The following ROBO2 variants were observed in gnomAD, a reference collection of about 807,000 sequenced individuals.
ROBO2 encodes the protein roundabout homolog 2.
In ROBO2, 53 loss-of-function variants were observed where a neutral mutation model predicts 160.8. The observed-to-expected ratio is 0.33, with a 90% CI of 0.26 to 0.41. The LOEUF (loss-of-function observed/expected upper bound fraction) is 0.41. Among genes scored for constraint, ROBO2 ranks in the 10% least tolerant of loss-of-function variants. ROBO2 has a pLI of 1.00. For missense variants in ROBO2, 1,577 were observed against 1,722.4 expected (o/e 0.92, Z 1.49); for synonymous variants, 664 against 611.7 (o/e 1.09, Z -1.26).
chr3:75,998,125 A>G (rs2065784782), intron 2 of ROBO2, among the ~76,000 whole-genome samples: 2 of 152,322 alleles, frequency 1.3e-5, no homozygotes, highest in East Asian at 1.9e-4. Context: ...CATAAAATGT[A>G]TTGAATTAGA....
intron 6 of ROBO2, among the ~76,000 whole-genome samples, chr3:77,539,720 A>T (rs2092366661): frequency 6.6e-6 from 1 of 152,192 alleles, no homozygotes; most frequent in South Asian, 2.1e-4. Flanking sequence ...AATTGTAGAC[A>T]GCACCCCATA....
chr3:76,663,213 C>T (rs755322634), intron 2 of ROBO2, among the ~76,000 whole-genome samples: 18 of 152,116 alleles, frequency 1.2e-4, no homozygotes, highest in Non-Finnish European at 2.4e-4. Flanking sequence ...CTTGGGAAAC[C>T]GACTGAGTAT....
At chr3:77,133,011 A>G (rs1289349240) in intron 2 of ROBO2, among the ~76,000 whole-genome samples, 8 of 152,152 alleles carry the variant, frequency 5.3e-5, no homozygotes, top group African/African-American at 1.9e-4. Context: ...TAAATGCTCC[A>G]TGTACAGTTA....
intron 2 of ROBO2, among the ~76,000 whole-genome samples, chr3:77,425,878 A>C (rs1231589431): frequency 6.6e-6 from 1 of 151,830 alleles, no homozygotes; most frequent in Non-Finnish European, 1.5e-5. Context: ...GGCAAGGCTG[A>C]TCTCGAACTC....
intron 2 of ROBO2, among the ~76,000 whole-genome samples, chr3:76,242,001 A>G (rs1705316582): frequency 6.6e-6 from 1 of 152,206 alleles, no homozygotes; most frequent in African/African-American, 2.4e-5. Context: ...TTGAGTAGAA[A>G]GCAAGGAAAG....
chr3:77,376,761 T>A (rs111526584), intron 2 of ROBO2, among the ~76,000 whole-genome samples: 1,536 of 152,314 alleles, frequency 0.01, 14 homozygotes, highest in Middle Eastern at 0.017. Context: ...ATTGACAGTA[T>A]GTACTCAACA....
chr3:77,642,204 C>G (rs73116514), intron 24 of ROBO2, among the ~76,000 whole-genome samples: 3 of 152,006 alleles, frequency 2.0e-5, no homozygotes, highest in African/African-American at 7.3e-5. Context: ...GCATATGACA[C>G]GGCATACAGT....
chr3:76,321,655 G>T (rs1180442122), intron 2 of ROBO2, among the ~76,000 whole-genome samples: 3 of 152,172 alleles, frequency 2.0e-5, no homozygotes, highest in Non-Finnish European at 4.4e-5. Context: ...GGACAGTCAA[G>T]TAACCTACCC....
chr3:76,459,222 C>T (rs2077951367), intron 2 of ROBO2, among the ~76,000 whole-genome samples: 1 of 152,060 alleles, frequency 6.6e-6, no homozygotes, highest in African/African-American at 2.4e-5. Context: ...AGAAATATAC[C>T]TCTCAATGCA....
chr3:77,527,340 A>AT (rs2091261158), intron 6 of ROBO2, 63 bp from the exon 7 acceptor site: 4 of 1,220,006 alleles, frequency 3.3e-6, no homozygotes, highest in Non-Finnish European at 4.3e-6. Flanking sequence ...CATTCTGATA[A>AT]TTTTTCTTTC....
chr3:77,460,846 A>G (rs946613413), intron 2 of ROBO2, among the ~76,000 whole-genome samples: 3 of 152,174 alleles, frequency 2.0e-5, no homozygotes, highest in African/African-American at 2.4e-5. Flanking sequence ...CTAATTTCCC[A>G]TATTTTTTTC....
In ROBO2 at chr3:76,628,140, GAAT is replaced by G. The variant is rs547096502; in HGVS notation, c.110-469871_110-469869del. ...TTTAAATACATCTAAGTAGAAAGTAGAATAAGTGTGCCTGCTACTTGATTTTTA... is the reference window on the plus strand; with the variant it reads ...TTTAAATACATCTAAGTAGAAAGTAGAAGTGTGCCTGCTACTTGATTTTTA... On this transcript the variant is annotated intron_variant, in intron 2 of 26. Coordinates refer to the ROBO2 transcript ENST00000487694. Among the ~76,000 whole-genome samples, 11 of 152,316 alleles carry G rather than the reference GAAT, an allele frequency of 7.2e-5. No individual in the cohort carries two copies. In the South Asian group the frequency reaches 2.3e-3, roughly 32 times the overall value.
At chr3:76,761,628 T>A (rs1042304075) in intron 2 of ROBO2, among the ~76,000 whole-genome samples, 2 of 151,784 alleles carry the variant, frequency 1.3e-5, no homozygotes, top group Non-Finnish European at 2.9e-5. Flanking sequence ...TTATGTCTTC[T>A]CACCTAAATG....
chr3:77,114,063 G>A (rs116835247), intron 2 of ROBO2, among the ~76,000 whole-genome samples: 101 of 152,288 alleles, frequency 6.6e-4, no homozygotes, highest in South Asian at 1.4e-3. Flanking sequence ...GCAATGTAGA[G>A]AAAGATAATT....
rs139629239 is a variant in ROBO2, at chr3:76,725,473, A to G, written c.110-372541A>G. On this transcript the variant is annotated intron_variant, in intron 2 of 26. Transcript: ENST00000487694. ...TGGCTTTCAGTGACTAGGGATAGGA[A>G]GTGATTATACTTGTCTCTAAAAATT... is the stretch of plus-strand genomic sequence containing the variant. Among the ~76,000 whole-genome samples the G allele has an allele frequency of 5.2e-3, 796 of 152,302 alleles. 4 individuals carry two copies. The highest frequency in any genetic ancestry group is 0.024 in the Middle Eastern group (7 of 294).
At chr3:77,344,279 T>C (rs1323241833) in intron 2 of ROBO2, among the ~76,000 whole-genome samples, 2 of 152,182 alleles carry the variant, frequency 1.3e-5, no homozygotes, top group African/African-American at 4.8e-5. Flanking sequence ...TCTTAAAATA[T>C]ATGACATATT....
At chr3:76,819,465 C>G (rs2065938399) in intron 2 of ROBO2, among the ~76,000 whole-genome samples, 1 of 152,048 alleles carries the variant, frequency 6.6e-6, no homozygotes, top group African/African-American at 2.4e-5. Flanking sequence ...ACTCTGAGTG[C>G]TGTCCTTTAA....
At chr3:76,567,672 CATATATATGTAT>C (rs1325638162) in intron 2 of ROBO2, among the ~76,000 whole-genome samples, 1 of 56,716 alleles carries the variant, frequency 1.8e-5, no homozygotes, top group Non-Finnish European at 3.7e-5. Context: ...CATATATATA[CATATATATGTAT>C]ATATATATGT....
chr3:76,189,522 T>C (rs1171567835), intron 2 of ROBO2, among the ~76,000 whole-genome samples: 2 of 152,086 alleles, frequency 1.3e-5, no homozygotes, highest in Non-Finnish European at 2.9e-5. Context: ...TATTAGATTT[T>C]AAACATTTTT....
Sources: gnomAD v4.1 joint callset for allele counts (sites outside exome capture counted in the v4.1 genomes callset) on GRCh38, gnomAD v4.1.1 for gene constraint, MANE v1.5 for transcripts, NCBI Gene and HGNC (gene_info 2026-07-23, HGNC 2026-07-21) for gene names.